IMMP1L: variants seen among roughly 807,000 people sequenced by gnomAD.
IMMP1L encodes the protein inner mitochondrial membrane peptidase subunit 1, also known as mitochondrial inner membrane protease subunit 1.
IMMP1L carries 24 observed loss-of-function variants against 21.8 expected under a neutral mutation model. The observed-to-expected ratio is 1.10, with a 90% confidence interval of 0.80 to 1.55. The LOEUF is 1.55. Ranked by LOEUF, IMMP1L falls within the 40% of genes most tolerant of loss-of-function variation. The pLI is 0.00. For missense variants in IMMP1L, 195 were observed against 200.7 expected, an observed-to-expected ratio of 0.97 and a Z score of 0.17; for synonymous variants, 46 against 62.8, an observed-to-expected ratio of 0.73 and a Z score of 1.26.
intron 1 of IMMP1L, among the ~76,000 whole-genome samples, chr11:31,491,065 A>G (rs2133790662): frequency 6.6e-6 from 1 of 152,324 alleles, no homozygotes; most frequent in Non-Finnish European, 1.5e-5. Context: ...TTTGACCTCC[A>G]AAATTGTTAG....
intron 1 of IMMP1L, among the ~76,000 whole-genome samples, chr11:31,471,349 T>C (rs1453723067): frequency 6.6e-6 from 1 of 152,160 alleles, no homozygotes; most frequent in Non-Finnish European, 1.5e-5. Flanking sequence ...CTCTGAAGTG[T>C]TCCCTGACCT....
At chr11:31,444,639 G>A (rs1352669630) in intron 4 of IMMP1L, among the ~76,000 whole-genome samples, 4 of 149,512 alleles carry the variant, frequency 2.7e-5, no homozygotes, top group African/African-American at 9.9e-5. Context: ...GCCCAGGCTG[G>A]AGTGCCATGG....
intron 1 of IMMP1L, chr11:31,477,479 G>A: frequency 1.2e-6 from 1 of 847,554 alleles, no homozygotes; most frequent in Non-Finnish European, 1.4e-6. Context: ...ATAATAAAGA[G>A]CATATTCTTT....
chr11:31,472,355 C>G (rs1170170462), intron 1 of IMMP1L, among the ~76,000 whole-genome samples: 1 of 152,178 alleles, frequency 6.6e-6, no homozygotes, highest in Non-Finnish European at 1.5e-5. Context: ...AAATACAAGA[C>G]TTATTAGAAT....
At chr11:31,490,143 T>C (rs889529522) in intron 1 of IMMP1L, among the ~76,000 whole-genome samples, 4 of 152,176 alleles carry the variant, frequency 2.6e-5, no homozygotes, top group African/African-American at 4.8e-5. Context: ...AACAGAACTT[T>C]AGCGCTATTT....
At chr11:31,490,243 G>C (rs1955210367) in intron 1 of IMMP1L, among the ~76,000 whole-genome samples, 1 of 152,152 alleles carries the variant, frequency 6.6e-6, no homozygotes, top group Non-Finnish European at 1.5e-5. Context: ...GGAGGCCAAG[G>C]TGGGTGGATC....
chr11:31,433,843 T>C (rs1399264582), intron 4 of IMMP1L: 1 of 263,910 alleles, frequency 3.8e-6, no homozygotes, highest in Non-Finnish European at 7.1e-6. Flanking sequence ...ACTGAGGTTA[T>C]AAGAGATCAA....
chr11:31,485,405 T>TC (rs1485937377), intron 1 of IMMP1L, among the ~76,000 whole-genome samples: 1 of 151,862 alleles, frequency 6.6e-6, no homozygotes, highest in Non-Finnish European at 1.5e-5. Flanking sequence ...TCATATTTAT[T>TC]CCCCAAATAA....
intron 1 of IMMP1L, among the ~76,000 whole-genome samples, chr11:31,480,832 T>C (rs183721890): frequency 6.6e-6 from 1 of 152,228 alleles, no homozygotes; most frequent in African/African-American, 2.4e-5. Context: ...GCAATGATAT[T>C]CAGTCTGAGT....
intron 1 of IMMP1L, among the ~76,000 whole-genome samples, chr11:31,507,139 C>T (rs1279523467): frequency 6.6e-6 from 1 of 151,498 alleles, no homozygotes; most frequent in Non-Finnish European, 1.5e-5. Context: ...ATCAGCAGGG[C>T]GTGGTGACGG....
intron 4 of IMMP1L, among the ~76,000 whole-genome samples, chr11:31,436,678 C>G (rs1354764256): frequency 6.6e-6 from 1 of 151,998 alleles, no homozygotes; most frequent in East Asian, 1.9e-4. Context: ...GCAATCCACC[C>G]GCCTCAGCCT....
chr11:31,464,004 T>G (rs1954243607), intron 1 of IMMP1L, among the ~76,000 whole-genome samples: 1 of 152,128 alleles, frequency 6.6e-6, no homozygotes, highest in African/African-American at 2.4e-5. Context: ...ATCTAAAATA[T>G]TTCTAATATC....
chr11:31,498,092 T>G (rs1055721085), intron 1 of IMMP1L, among the ~76,000 whole-genome samples: 3 of 152,156 alleles, frequency 2.0e-5, no homozygotes, highest in African/African-American at 7.2e-5. Flanking sequence ...TTAGGAAATG[T>G]TAATAGAAAA....
At chr11:31,436,065 G>T (rs569559332) in intron 4 of IMMP1L, among the ~76,000 whole-genome samples, 2 of 152,190 alleles carry the variant, frequency 1.3e-5, no homozygotes, top group South Asian at 4.1e-4. Context: ...TGAATAGTCT[G>T]TGCCTACTTT....
chr11:31,435,152 A>C (rs1251216285), intron 4 of IMMP1L, among the ~76,000 whole-genome samples: 2 of 152,228 alleles, frequency 1.3e-5, no homozygotes, highest in African/African-American at 4.8e-5. Context: ...TATGGACACC[A>C]GTAAAAGTAA....
At chr11:31,476,377 CG>C (rs1471999240) in intron 1 of IMMP1L, among the ~76,000 whole-genome samples, 2 of 151,884 alleles carry the variant, frequency 1.3e-5, no homozygotes, top group African/African-American at 4.8e-5. Flanking sequence ...AAACCAAACC[CG>C]GGAACTCTGT....
chr11:31,456,661 T>A (rs1167587153), intron 3 of IMMP1L, among the ~76,000 whole-genome samples: 1 of 151,820 alleles, frequency 6.6e-6, no homozygotes, highest in African/African-American at 2.4e-5. Context: ...AGAATTATCT[T>A]TTGCATTGTA....
chr11:31,454,124 A>AC (rs1237941215), intron 4 of IMMP1L, among the ~76,000 whole-genome samples: 19 of 152,198 alleles, frequency 1.2e-4, no homozygotes, highest in Non-Finnish European at 2.8e-4. Flanking sequence ...ATAAGTGCTG[A>AC]CCAAGATTAT....
At chr11:31,475,209 G>A (rs1954687841) in intron 1 of IMMP1L, among the ~76,000 whole-genome samples, 1 of 152,162 alleles carries the variant, frequency 6.6e-6, no homozygotes, top group East Asian at 1.9e-4. Context: ...CTCACCTTAT[G>A]TTTATAAAGA....
Sources: gnomAD v4.1 joint callset for allele counts (sites outside exome capture counted in the v4.1 genomes callset) on GRCh38, gnomAD v4.1.1 for gene constraint, MANE v1.5 for transcripts, NCBI Gene and HGNC (gene_info 2026-07-23, HGNC 2026-07-21) for gene names.